UNC13C: variants seen among roughly 807,000 people sequenced by gnomAD.
UNC13C encodes the protein unc-13 homolog C.
In UNC13C, 174 loss-of-function variants were observed where a neutral mutation model predicts 245.4. The observed-to-expected ratio is 0.71, with a 90% CI of 0.63 to 0.80. UNC13C has a LOEUF of 0.80. Ranked by LOEUF, UNC13C falls within the 30% of genes least tolerant of loss-of-function variation. The pLI is 0.00. For missense variants in UNC13C, 2,829 were observed against 2,602.9 expected, an observed-to-expected ratio of 1.09 and a Z score of -1.89; for synonymous variants, 992 against 895.1, an observed-to-expected ratio of 1.11 and a Z score of -1.93.
intron 2 of UNC13C, among the ~76,000 whole-genome samples, chr15:54,016,265 T>A (rs901349495): frequency 6.6e-6 from 1 of 152,156 alleles, no homozygotes; most frequent in African/African-American, 2.4e-5. Context: ...ATTTCTTGGT[T>A]CCATTAAGTT....
the UNC13C span, among the ~76,000 whole-genome samples, chr15:53,934,866 A>G: frequency 5.3e-5 from 8 of 152,164 alleles, no homozygotes; most frequent in Non-Finnish European, 1.2e-4. Context: ...TACTAATCCC[A>G]TTCATGAGGA....
At chr15:54,162,275 G>T (rs923515761) in intron 4 of UNC13C, among the ~76,000 whole-genome samples, 1 of 152,090 alleles carries the variant, frequency 6.6e-6, no homozygotes, top group Non-Finnish European at 1.5e-5. Context: ...GCAGGGACTG[G>T]TCCATTTCCT....
chr15:53,859,425 G>T, the UNC13C span, among the ~76,000 whole-genome samples: 1 of 152,078 alleles, frequency 6.6e-6, no homozygotes, highest in Admixed American at 6.5e-5. Flanking sequence ...TAATGGAAGG[G>T]ATAGCCCAGG....
At chr15:54,624,009 G>A (rs1051340537) in intron 32 of UNC13C, 55 bp downstream of exon 32, 10 of 1,601,368 alleles carry the variant, frequency 6.2e-6, no homozygotes, top group Admixed American at 1.7e-5. Context: ...CTGTACAGCT[G>A]ACCTTACTGA....
At chr15:54,094,510 C>A (rs1331124506) in intron 2 of UNC13C, among the ~76,000 whole-genome samples, 1 of 152,152 alleles carries the variant, frequency 6.6e-6, no homozygotes, top group Non-Finnish European at 1.5e-5. Context: ...TTGTGTCTTT[C>A]AACAAGCTAG....
chr15:54,606,448 G>A (rs1456223603), intron 30 of UNC13C, among the ~76,000 whole-genome samples: 3 of 152,086 alleles, frequency 2.0e-5, no homozygotes, highest in African/African-American at 7.2e-5. Flanking sequence ...GGTTTCTTAG[G>A]GGAACCTAGG....
chr15:54,063,513 AT>A (rs202099943), intron 2 of UNC13C, among the ~76,000 whole-genome samples: 35 of 149,854 alleles, frequency 2.3e-4, no homozygotes, highest in South Asian at 6.4e-4. Context: ...TGGTTATTTG[AT>A]TTTTTTTTTA....
At chr15:53,961,482 G>A in the UNC13C span, among the ~76,000 whole-genome samples, 1 of 152,186 alleles carries the variant, frequency 6.6e-6, no homozygotes, top group Non-Finnish European at 1.5e-5. Context: ...TGGGGCCTTG[G>A]ATGCATGGTG....
Position 54,014,791 on chromosome 15 carries a change from A to G in UNC13C, c.1888A>G (p.Ser630Gly), listed in dbSNP as rs777579176. The part of the protein sequence containing the change: ...ENTETVDSGM[S>G]NGMVCASGDR... Reference sequence around the variant, plus strand: ...CACAGAAACTGTGGATAGTGGAATGAGTAATGGCATGGTGTGTGCATCTGG... The same window carrying G: ...CACAGAAACTGTGGATAGTGGAATGGGTAATGGCATGGTGTGTGCATCTGG... The change falls in exon 2 of 33, where the codon AGT becomes GGT. Residue 630 changes from serine to glycine, a missense_variant. Transcript: ENST00000260323. 3 of 1,613,770 alleles carry G rather than the reference A, an allele frequency of 1.9e-6. No homozygotes were observed. The highest frequency in any genetic ancestry group is 2.7e-5 in the African/African-American group (2 of 74,912).
chr15:54,187,241 A>G (rs2034022884), intron 4 of UNC13C, among the ~76,000 whole-genome samples: 1 of 152,104 alleles, frequency 6.6e-6, no homozygotes, highest in African/African-American at 2.4e-5. Context: ...CTACTGCCTT[A>G]CCCTGACTTG....
chr15:54,483,637 A>G (rs779119137), intron 19 of UNC13C, among the ~76,000 whole-genome samples: 1 of 152,114 alleles, frequency 6.6e-6, no homozygotes, highest in African/African-American at 2.4e-5. Context: ...CTGGGATTAC[A>G]GGTGCGTGCC....
chr15:53,881,462 T>G, the UNC13C span, among the ~76,000 whole-genome samples: 1 of 152,240 alleles, frequency 6.6e-6, no homozygotes, highest in Admixed American at 6.5e-5. Flanking sequence ...GAAGTTCTGC[T>G]TAAGCACACC....
chr15:54,274,084 T>TTGGG (rs1378905933), intron 10 of UNC13C, among the ~76,000 whole-genome samples: 1 of 152,098 alleles, frequency 6.6e-6, no homozygotes, highest in African/African-American at 2.4e-5. Flanking sequence ...GAGCTTTCAT[T>TTGGG]ACAATTGGAG....
intron 4 of UNC13C, among the ~76,000 whole-genome samples, chr15:54,178,264 A>G (rs2033681809): frequency 6.6e-6 from 1 of 151,810 alleles, no homozygotes; most frequent in Admixed American, 6.6e-5. Flanking sequence ...ACCCCTGTAA[A>G]AAGAGGGATT....
At chr15:53,933,027 T>C in the UNC13C span, among the ~76,000 whole-genome samples, 1 of 152,218 alleles carries the variant, frequency 6.6e-6, no homozygotes, top group Non-Finnish European at 1.5e-5. Flanking sequence ...TGCCTCCCTC[T>C]TCTCACTTTG....
intron 19 of UNC13C, among the ~76,000 whole-genome samples, chr15:54,433,342 C>T (rs2040911126): frequency 6.6e-6 from 1 of 152,086 alleles, no homozygotes; most frequent in African/African-American, 2.4e-5. Context: ...CAATAAAGTA[C>T]TGGCAAACCA....
intron 10 of UNC13C, among the ~76,000 whole-genome samples, chr15:54,276,920 T>C (rs548548641): frequency 6.6e-6 from 1 of 152,262 alleles, no homozygotes; most frequent in Non-Finnish European, 1.5e-5. Context: ...AAAGTAAGCA[T>C]AAAAATATGT....
intron 4 of UNC13C, among the ~76,000 whole-genome samples, chr15:54,149,433 A>G (rs1382281891): frequency 6.6e-6 from 1 of 152,234 alleles, no homozygotes; most frequent in Non-Finnish European, 1.5e-5. Context: ...AGATGTAAAC[A>G]GGGCCCACTT....
intron 2 of UNC13C, among the ~76,000 whole-genome samples, chr15:54,097,891 G>A (rs1163618639): frequency 6.6e-6 from 1 of 152,220 alleles, no homozygotes; most frequent in Non-Finnish European, 1.5e-5. Context: ...TTTATACATA[G>A]ACTCTGGGGT....
Sources: gnomAD v4.1 joint callset for allele counts (sites outside exome capture counted in the v4.1 genomes callset) on GRCh38, gnomAD v4.1.1 for gene constraint, MANE v1.5 for transcripts, NCBI Gene and HGNC (gene_info 2026-07-23, HGNC 2026-07-21) for gene names.